The following FSHR variants were observed in gnomAD, a reference collection of about 807,000 sequenced individuals.
The protein encoded by FSHR is follicle-stimulating hormone receptor.
FSHR carries 46 observed loss-of-function variants against 52.1 expected under a neutral mutation model. That is an observed-to-expected ratio of 0.88 (90% CI 0.70 to 1.13). The LOEUF is 1.13. Among genes scored for constraint, FSHR ranks in the 50% most tolerant of loss-of-function variants. The probability of loss-of-function intolerance (pLI) is 0.00; values close to 1 mark genes in which losing one functional copy is unlikely to be tolerated. For synonymous variants in FSHR, 399 were observed against 309.6 expected, an observed-to-expected ratio of 1.29 and a Z score of -3.03; for missense variants, 964 against 834.6, an observed-to-expected ratio of 1.16 and a Z score of -1.91.
intron 2 of FSHR, among the ~76,000 whole-genome samples, chr2:49,058,962 A>G (rs1217789835): frequency 6.6e-6 from 1 of 152,222 alleles, no homozygotes; most frequent in East Asian, 1.9e-4. Context: ...TAACTCCAGC[A>G]CTTTGGGTGA....
intron 1 of FSHR, among the ~76,000 whole-genome samples, chr2:49,088,962 T>C (rs1399167220): frequency 6.6e-6 from 1 of 152,186 alleles, no homozygotes; most frequent in Non-Finnish European, 1.5e-5. Context: ...TTACTGACTG[T>C]GTAAAATGCA....
intron 8 of FSHR, among the ~76,000 whole-genome samples, chr2:48,971,563 G>C (rs1484081189): frequency 6.6e-6 from 1 of 152,158 alleles, no homozygotes; most frequent in African/African-American, 2.4e-5. Flanking sequence ...CCTTTGTTAG[G>C]TGTGTGTGCA....
At chr2:49,064,305 T>C (rs1230712272) in intron 2 of FSHR, among the ~76,000 whole-genome samples, 1 of 151,274 alleles carries the variant, frequency 6.6e-6, no homozygotes, top group African/African-American at 2.4e-5. Flanking sequence ...ACTCCAACAT[T>C]GGGAAATGTG....
At chr2:49,085,803 T>A (rs1670362009) in intron 1 of FSHR, among the ~76,000 whole-genome samples, 1 of 152,028 alleles carries the variant, frequency 6.6e-6, no homozygotes, top group South Asian at 2.1e-4. Context: ...GATGAGTTCA[T>A]GTCCTTTGTA....
chr2:49,140,599 C>G (rs1672648724), intron 1 of FSHR, among the ~76,000 whole-genome samples: 2 of 151,920 alleles, frequency 1.3e-5, no homozygotes, highest in South Asian at 2.1e-4. Flanking sequence ...ACTCTAGAGG[C>G]TGAGGCAGGA....
intron 1 of FSHR, among the ~76,000 whole-genome samples, chr2:49,069,576 T>G (rs1467864915): frequency 6.6e-6 from 1 of 152,138 alleles, no homozygotes; most frequent in Non-Finnish European, 1.5e-5. Flanking sequence ...CAAAAATGTT[T>G]GCCTGATTTG....
At chr2:49,028,765 T>C (rs1375754411) in intron 2 of FSHR, among the ~76,000 whole-genome samples, 2 of 152,208 alleles carry the variant, frequency 1.3e-5, no homozygotes, top group Admixed American at 1.3e-4. Flanking sequence ...AGCTGTTGGT[T>C]GGAGGTGCCC....
chr2:48,979,780 C>T (rs1207969188), intron 8 of FSHR, among the ~76,000 whole-genome samples: 1 of 151,906 alleles, frequency 6.6e-6, no homozygotes, highest in African/African-American at 2.4e-5. Flanking sequence ...CGGTAAACCT[C>T]CCGCATGCAG....
intron 9 of FSHR, among the ~76,000 whole-genome samples, chr2:48,968,304 C>T (rs570378269): frequency 5.3e-5 from 8 of 152,256 alleles, no homozygotes; most frequent in African/African-American, 1.4e-4. Flanking sequence ...TATGCATCTC[C>T]CCACCAAAGA....
intron 1 of FSHR, among the ~76,000 whole-genome samples, chr2:49,133,145 G>A (rs1470298192): frequency 1.3e-5 from 2 of 152,112 alleles, no homozygotes; most frequent in Non-Finnish European, 2.9e-5. Flanking sequence ...CCCAAGATAA[G>A]GAGGACTTCA....
intron 2 of FSHR, among the ~76,000 whole-genome samples, chr2:49,035,010 A>G (rs1241011861): frequency 6.6e-6 from 1 of 152,196 alleles, no homozygotes; most frequent in Non-Finnish European, 1.5e-5. Context: ...CCCTCACGCA[A>G]TGCTGCAGAT....
rs1405552557 is a variant in FSHR, at chr2:49,075,835, T to C, written c.153-7545A>G. ...GGGTTTTTTTGGGAGAGACAGGGTTTTACCATATTGCCCAGGCTGGTCTTC... is the reference window on the plus strand; with the variant it reads ...GGGTTTTTTTGGGAGAGACAGGGTTCTACCATATTGCCCAGGCTGGTCTTC... On this transcript the variant is annotated intron_variant, in intron 1 of 9. Coordinates refer to ENST00000406846, the MANE Select transcript of FSHR (RefSeq NM_000145.4). 3.9e-5 allele frequency among the ~76,000 whole-genome samples: 6 copies of C among 152,140 alleles called. No individual in the cohort carries two copies. The East Asian group carries it at 7.8e-4, about 20-fold the overall frequency.
intron 2 of FSHR, among the ~76,000 whole-genome samples, chr2:49,046,249 C>T (rs1302244283): frequency 1.3e-5 from 2 of 152,166 alleles, no homozygotes; most frequent in Non-Finnish European, 2.9e-5. Context: ...TGGATGATAA[C>T]TCTGAATTTG....
intron 1 of FSHR, among the ~76,000 whole-genome samples, chr2:49,127,900 T>TCTTCTTC (rs1483408974): frequency 2.6e-5 from 3 of 113,458 alleles, no homozygotes; most frequent in African/African-American, 4.5e-5. Context: ...TTCTTCTTCT[T>TCTTCTTC]TTTTTTTTTT....
intron 1 of FSHR, among the ~76,000 whole-genome samples, chr2:49,108,677 A>C (rs758460849): frequency 1.3e-5 from 2 of 152,164 alleles, no homozygotes; most frequent in South Asian, 2.1e-4. Flanking sequence ...ATGTTTGTAA[A>C]GGGAGAATAA....
rs531913168 is a variant in FSHR, at chr2:49,064,677, C to T, written c.224+3542G>A. On this transcript the variant is annotated intron_variant, in intron 2 of 9. Coordinates refer to ENST00000406846, the MANE Select transcript of FSHR (RefSeq NM_000145.4). ...GAAAGAGATGGGTGGATAGGTTAGA[C>T]GTGTAACGAGGTAAAAACAACAGGA... Among the ~76,000 whole-genome samples the T allele has an allele frequency of 4.6e-5, 7 of 152,204 alleles. No individual in the cohort carries two copies. The South Asian group carries it at 6.2e-4, about 14-fold the overall frequency.
At chr2:49,067,174 G>A (rs925904833) in intron 2 of FSHR, among the ~76,000 whole-genome samples, 9 of 152,044 alleles carry the variant, frequency 5.9e-5, no homozygotes, top group Non-Finnish European at 1.2e-4. Context: ...TGCTTTAATC[G>A]AGGTTATGCA....
chr2:49,133,000 A>G lies in FSHR; in HGVS notation c.152+21266T>C, dbSNP rs984385452. 7.8e-5 allele frequency among the ~76,000 whole-genome samples: 11 copies of G among 141,254 alleles called. No homozygotes were observed. In the South Asian group the frequency reaches 1.1e-3, roughly 15 times the overall value. 92.7% of individuals were successfully genotyped at this position (141,254 alleles called of 152,430 possible). ...AAAAAAAAAAAAAAAAAAAAAGGCA[A>G]GTTTGTGGTATTTGAACCAAGACCG... On this transcript the variant is annotated intron_variant, in intron 1 of 9. Coordinates refer to ENST00000406846, the MANE Select transcript of FSHR (RefSeq NM_000145.4).
intron 1 of FSHR, among the ~76,000 whole-genome samples, chr2:49,099,849 A>T (rs1292489584): frequency 1.3e-5 from 2 of 152,006 alleles, no homozygotes; most frequent in Non-Finnish European, 2.9e-5. Context: ...TAGCGTTCTA[A>T]CCTCCAGAAC....
Sources: gnomAD v4.1 joint callset for allele counts (sites outside exome capture counted in the v4.1 genomes callset) on GRCh38, gnomAD v4.1.1 for gene constraint, MANE v1.5 for transcripts, NCBI Gene and HGNC (gene_info 2026-07-23, HGNC 2026-07-21) for gene names.